BLVRA: variants seen among roughly 807,000 people sequenced by gnomAD.
The protein encoded by BLVRA is biliverdin reductase A, also known as BVR A.
Under a neutral mutation model 32.8 loss-of-function variants are expected in BLVRA, and 22 were observed. The ratio of observed to expected loss-of-function variants is 0.67; its 90% CI spans 0.48 to 0.96. The LOEUF (loss-of-function observed/expected upper bound fraction) is 0.96. Ranked by LOEUF, BLVRA falls within the 40% of genes least tolerant of loss-of-function variation. BLVRA has a pLI of 0.00. For synonymous variants in BLVRA, 119 were observed against 141.3 expected, an observed-to-expected ratio of 0.84 and a Z score of 1.12; for missense variants, 323 against 358.1, an observed-to-expected ratio of 0.90 and a Z score of 0.79.
intron 2 of BLVRA, among the ~76,000 whole-genome samples, chr7:43,776,325 G>A (rs1045655719): frequency 6.6e-6 from 1 of 152,158 alleles, no homozygotes; most frequent in African/African-American, 2.4e-5. Flanking sequence ...GTGTCCCAGA[G>A]ATTCTGGTAT....
chr7:43,774,116 T>C (rs1012197880), intron 2 of BLVRA, among the ~76,000 whole-genome samples: 4 of 152,208 alleles, frequency 2.6e-5, no homozygotes, highest in Non-Finnish European at 5.9e-5. Flanking sequence ...GGTAGTTTCT[T>C]TTGCTGTGCA....
chr7:43,767,359 G>A (rs542607604), intron 1 of BLVRA: 2 of 1,598,532 alleles, frequency 1.3e-6, no homozygotes, highest in Admixed American at 1.7e-5. Flanking sequence ...AAGCTCATTA[G>A]CATCTACACT....
Position 43,803,673 on chromosome 7 carries a change from C to T in BLVRA, c.461-3C>T. ...TTCCCACAGCATTTGTGATTTCCCA[C>T]AGCTGGCCCGTTGGAAGAAGAGCGG... On this transcript the variant is annotated splice_region_variant and splice_polypyrimidine_tract_variant and intron_variant, in intron 6 of 7. Transcript: ENST00000265523. 1.2e-6 allele frequency: 2 copies of T among 1,612,102 alleles called. No individual in the cohort carries two copies. Among genetic ancestry groups the T allele is most frequent in the African/African-American group, 1.3e-5 (1 of 74,820 alleles).
chr7:43,761,850 A>G (rs1244579106), intron 1 of BLVRA, among the ~76,000 whole-genome samples: 1 of 152,214 alleles, frequency 6.6e-6, no homozygotes, highest in East Asian at 1.9e-4. Flanking sequence ...AGTCACTAAA[A>G]GTTTCACCAC....
At chr7:43,777,748 C>G (rs1181572) in intron 2 of BLVRA, among the ~76,000 whole-genome samples, 125,819 of 152,056 alleles carry the variant, frequency 0.83, 52,510 homozygotes, top group African/African-American at 0.94. Flanking sequence ...TTTCTAACTT[C>G]GTTCCATTCT....
chr7:43,795,843 C>T (rs146921715), intron 5 of BLVRA, among the ~76,000 whole-genome samples: 215 of 151,524 alleles, frequency 1.4e-3, no homozygotes, highest in African/African-American at 4.7e-3. Flanking sequence ...CAGTGGCTCA[C>T]GCCTGTAATC....
At chr7:43,805,832 A>G (rs1036525780) in intron 7 of BLVRA, among the ~76,000 whole-genome samples, 7 of 152,110 alleles carry the variant, frequency 4.6e-5, no homozygotes, top group Non-Finnish European at 8.8e-5. Flanking sequence ...CCTGGGCTCA[A>G]GCGATCCACC....
intron 2 of BLVRA, among the ~76,000 whole-genome samples, chr7:43,786,456 C>T (rs2095777651): frequency 6.6e-6 from 1 of 152,060 alleles, no homozygotes; most frequent in African/African-American, 2.4e-5. Context: ...ATTTCTCTAC[C>T]CTCAATAATT....
At chr7:43,772,962 C>T (rs999982251) in intron 2 of BLVRA, among the ~76,000 whole-genome samples, 3 of 152,166 alleles carry the variant, frequency 2.0e-5, no homozygotes, top group Admixed American at 2.0e-4. Context: ...CTGCACACTC[C>T]TGCCTGCTCA....
chr7:43,789,876 C>CGTGTGTGTGTGT (rs141385505), intron 3 of BLVRA, among the ~76,000 whole-genome samples: 3 of 149,022 alleles, frequency 2.0e-5, no homozygotes, highest in Non-Finnish European at 4.5e-5. Flanking sequence ...GTGGTATGTA[C>CGTGTGTGTGTGT]GTGTGTGTGT....
chr7:43,783,494 T>A (rs140337990), intron 2 of BLVRA, among the ~76,000 whole-genome samples: 193 of 152,344 alleles, frequency 1.3e-3, no homozygotes, highest in African/African-American at 4.5e-3. Context: ...TCTTTTATTT[T>A]TATATTGCCA....
chr7:43,805,323 C>T (rs1268862905), intron 7 of BLVRA, among the ~76,000 whole-genome samples: 1 of 151,616 alleles, frequency 6.6e-6, no homozygotes, highest in Non-Finnish European at 1.5e-5. Flanking sequence ...TGCTCTGTCA[C>T]CCAGGCTGGA....
chr7:43,803,137 T>C (rs1403518508), intron 6 of BLVRA, among the ~76,000 whole-genome samples: 1 of 152,222 alleles, frequency 6.6e-6, no homozygotes, highest in Non-Finnish European at 1.5e-5. Flanking sequence ...CTCAAAGGTA[T>C]TACCATTTTC....
At chr7:43,779,938 A>G (rs897871187) in intron 2 of BLVRA, among the ~76,000 whole-genome samples, 1 of 151,100 alleles carries the variant, frequency 6.6e-6, no homozygotes, top group African/African-American at 2.4e-5. Flanking sequence ...CAGTGGCGTG[A>G]TCTTGGCTCA....
intron 1 of BLVRA, chr7:43,767,734 A>G: frequency 2.8e-6 from 1 of 359,444 alleles, no homozygotes; most frequent in Non-Finnish European, 5.3e-6. Context: ...AGTAGTGTAA[A>G]TTTTGATCCT....
intron 1 of BLVRA, among the ~76,000 whole-genome samples, chr7:43,768,600 A>G (rs1261947593): frequency 1.3e-5 from 2 of 151,976 alleles, no homozygotes; most frequent in African/African-American, 4.8e-5. Flanking sequence ...TGACCCAGAG[A>G]GGCTCACATC....
chr7:43,800,759 C>G (rs1361239034), intron 6 of BLVRA, among the ~76,000 whole-genome samples, 187 bp downstream of exon 6: 1 of 152,160 alleles, frequency 6.6e-6, no homozygotes, highest in Non-Finnish European at 1.5e-5. Context: ...TTAGAAATCT[C>G]AAGCATATTT....
chr7:43,772,536 TG>T (rs1379170149), intron 2 of BLVRA, among the ~76,000 whole-genome samples: 2 of 152,226 alleles, frequency 1.3e-5, no homozygotes, highest in Non-Finnish European at 2.9e-5. Context: ...TATCCCTGTC[TG>T]GTATGAGACA....
chr7:43,774,492 A>C (rs1356188642), intron 2 of BLVRA, among the ~76,000 whole-genome samples: 1 of 152,002 alleles, frequency 6.6e-6, no homozygotes, highest in African/African-American at 2.4e-5. Context: ...TGTTCCATTG[A>C]TCTATATCTC....
Sources: gnomAD v4.1 joint callset for allele counts (sites outside exome capture counted in the v4.1 genomes callset) on GRCh38, gnomAD v4.1.1 for gene constraint, MANE v1.5 for transcripts, NCBI Gene and HGNC (gene_info 2026-07-23, HGNC 2026-07-21) for gene names.